The following NLRP7 variants were observed in gnomAD, a reference collection of about 807,000 sequenced individuals.
The protein encoded by NLRP7 is NACHT, LRR and PYD domains-containing protein 7.
NLRP7 carries 72 observed loss-of-function variants against 85.5 expected under a neutral mutation model. That is an observed-to-expected ratio of 0.84 (90% confidence interval 0.70 to 1.02). The LOEUF (loss-of-function observed/expected upper bound fraction) is 1.02, where lower values mean the gene tolerates loss of function less well. Among genes scored for constraint, NLRP7 ranks in the 50% least tolerant of loss-of-function variants. The pLI is 0.00. For missense variants in NLRP7, 1,243 were observed against 1,219.5 expected (o/e 1.02, Z -0.29); for synonymous variants, 550 against 505.2 (o/e 1.09, Z -1.19).
Position 54,939,315 on chromosome 19 carries a change from T to A in NLRP7, c.1504A>T (p.Lys502Ter). 6.2e-7 allele frequency: 1 copy of A among 1,614,124 alleles called. No homozygotes were observed. Among genetic ancestry groups the A allele is most frequent in the East Asian group, 2.2e-5 (1 of 44,886 alleles). ...AGTCTTTCTTCTCCGGAAAGCAGCT[T>A]CTGTACGTCCCCGATGTCCCAGGCG... The change falls in exon 4 of 10, where the codon AAG becomes TAG. Residue 502 changes from lysine to a stop codon, truncating the protein, a stop_gained. Coordinates refer to ENST00000340844, the Ensembl canonical transcript of NLRP7. LOFTEE classifies it high-confidence loss of function.
chr19:54,938,634 G>T (rs1053305560), intron 4 of NLRP7, among the ~76,000 whole-genome samples: 12 of 152,312 alleles, frequency 7.9e-5, no homozygotes, highest in African/African-American at 2.9e-4. Flanking sequence ...GCTGAGGCAG[G>T]AGAATCACTT....
At chr19:54,930,700 T>A in intron 8 of NLRP7, 34 bp from the exon 9 acceptor site, 5 of 1,587,900 alleles carry the variant, frequency 3.1e-6, no homozygotes, top group South Asian at 1.1e-5. Flanking sequence ...AAGCCTGTTA[T>A]CCCTCTGGCT....
At chr19:54,939,124 C>G in exon 4 of NLRP7, 3 of 1,614,236 alleles carry the variant, frequency 1.9e-6, no homozygotes, top group Non-Finnish European at 2.5e-6. Flanking sequence ...TCAGGTCGGT[C>G]ACGGATAAGG....
intron 8 of NLRP7, among the ~76,000 whole-genome samples, chr19:54,931,340 C>A (rs1406094216): frequency 6.6e-6 from 1 of 151,870 alleles, no homozygotes; most frequent in African/African-American, 2.4e-5. Context: ...GGGTGAATCA[C>A]AAGATCAGGA....
intron 9 of NLRP7, 95 bp from the exon 10 acceptor site, chr19:54,927,870 T>G: frequency 9.4e-7 from 1 of 1,059,018 alleles, no homozygotes; most frequent in Non-Finnish European, 1.5e-6. Context: ...GGCGGGTGGA[T>G]CACTTGAGGC....
chr19:54,964,968 G>T lies in NLRP7; in HGVS notation c.-77+1072C>A, dbSNP rs2070291106. On this transcript the variant is annotated intron_variant, in intron 1 of 2. Coordinates refer to the NLRP7 transcript ENST00000587103. ...AATATACCTGGGGTGATGGGAGAAG[G>T]TAGCCAATCACAGCTGAGGCTTCTA... The T allele has an allele frequency of 1.9e-5, 2 of 104,038 alleles. 1 individual carries two copies. Among genetic ancestry groups the T allele is most frequent in the Admixed American group, 1.8e-4 (2 of 11,080 alleles). The allele number at this position is 104,038 out of a possible 1,614,324, so 6.4% of individuals were successfully genotyped here.
At chr19:54,944,067 A>T (rs1467656446) in intron 1 of NLRP7, among the ~76,000 whole-genome samples, 1 of 152,124 alleles carries the variant, frequency 6.6e-6, no homozygotes, top group African/African-American at 2.4e-5. Context: ...GTATTGTCCA[A>T]AGTTTCTCCC....
rs745659650 is a variant in NLRP7, at chr19:54,939,637, G to C, written c.1182C>G (p.Phe394Leu). 2.5e-6 allele frequency: 4 copies of C among 1,611,048 alleles called. No individual in the cohort carries two copies. The African/African-American group carries it at 4.0e-5, about 16-fold the overall frequency. Residue 394 changes from phenylalanine (F) to leucine (L), a missense_variant, in exon 4 of 10, where the codon TTC (phenylalanine) becomes TTG (leucine). Around this residue, in one of 3 missense-constraint regions of NLRP7, gnomAD observed 591 missense variants for 563.3 expected, o/e 1.05. Coordinates refer to ENST00000340844, the Ensembl canonical transcript of NLRP7. ...GGAACCGGCTGCAGAGGAAACGCAG[G>C]AACAGCCCCGTGCGGGTGAGGCAGG...
At chr19:54,946,022 A>C (rs1445177375) in intron 1 of NLRP7, among the ~76,000 whole-genome samples, 1 of 150,800 alleles carries the variant, frequency 6.6e-6, no homozygotes, top group African/African-American at 2.4e-5. Context: ...CGATCTTCTG[A>C]CCTCGTGATC....
intron 6 of NLRP7, among the ~76,000 whole-genome samples, chr19:54,935,809 G>T (rs925454081): frequency 6.6e-6 from 1 of 151,878 alleles, no homozygotes; most frequent in South Asian, 2.1e-4. Flanking sequence ...GGCTCCCAAA[G>T]TGCGAGGATC....
intron 1 of NLRP7, among the ~76,000 whole-genome samples, chr19:54,953,834 A>G (rs1248644740): frequency 6.8e-6 from 1 of 148,074 alleles, no homozygotes; most frequent in Non-Finnish European, 1.5e-5. Context: ...AACCATCTCT[A>G]CTAAAAAAAA....
chr19:54,939,985 C>T (rs776345667), exon 4 of NLRP7: 9 of 1,614,168 alleles, frequency 5.6e-6, no homozygotes, highest in African/African-American at 2.7e-5. Context: ...GGACGGGCAC[C>T]GGCTTCTTCT....
chr19:54,964,462 T>C (rs868863359), intron 1 of NLRP7, among the ~76,000 whole-genome samples: 2,242 of 148,604 alleles, frequency 0.015, no homozygotes, highest in African/African-American at 0.052. Flanking sequence ...GTGATCCACC[T>C]GCCTCGGCCT....
intron 1 of NLRP7, among the ~76,000 whole-genome samples, chr19:54,954,989 T>A (rs1027841782): frequency 6.6e-6 from 1 of 152,042 alleles, no homozygotes; most frequent in African/African-American, 2.4e-5. Context: ...TGGTATGAGA[T>A]TCAAGAACCC....
chr19:54,923,927 G>A, intron 9 of NLRP7, 55 bp from the exon 11 acceptor site: 1 of 1,584,898 alleles, frequency 6.3e-7, no homozygotes, highest in South Asian at 1.1e-5. Flanking sequence ...AACTACCCAG[G>A]ATGCCTGAAT....
At chr19:54,925,943 T>C (rs1015863930) in intron 9 of NLRP7, among the ~76,000 whole-genome samples, 4 of 150,854 alleles carry the variant, frequency 2.7e-5, no homozygotes, top group African/African-American at 4.9e-5. Context: ...GAGCTTGCAG[T>C]GAGCCGAGAT....
chr19:54,940,804 G>T (rs1485834574), intron 3 of NLRP7, 127 bp downstream of exon 3: 3 of 759,222 alleles, frequency 4.0e-6, no homozygotes, highest in Non-Finnish European at 7.0e-6. Flanking sequence ...TCCAGCCTGG[G>T]CTACAGAGCA....
exon 4 of NLRP7, chr19:54,939,859 C>G: frequency 6.2e-7 from 1 of 1,613,892 alleles, no homozygotes; most frequent in South Asian, 1.1e-5. Flanking sequence ...AGCCCTCCAC[C>G]CTTACGTAGA....
At position 54,934,749 on chromosome 19, in the gene NLRP7, GC is replaced by G; in HGVS notation, c.2301-91del. On this transcript the variant is annotated intron_variant, in intron 6 of 9. Coordinates refer to ENST00000340844, the Ensembl canonical transcript of NLRP7. The surrounding 1 kb of genome is among the most constrained non-coding windows in gnomAD (Gnocchi z 6.7). Reference sequence around the variant, plus strand: ...TTTTGAGACAGAGTTTCACTCTGTTGCCCAGTCTGGAATGCAAAGGCGTGAT... The same window carrying G: ...TTTTGAGACAGAGTTTCACTCTGTTGCCAGTCTGGAATGCAAAGGCGTGAT... 1 of 1,101,316 alleles carries G rather than the reference GC, an allele frequency of 9.1e-7. No individual in the cohort carries two copies. Among genetic ancestry groups the G allele is most frequent in the Non-Finnish European group, 1.3e-6 (1 of 775,148 alleles). 68.2% of individuals were successfully genotyped at this position (1,101,316 alleles called of 1,614,324 possible).
Sources: gnomAD v4.1 joint callset for allele counts (sites outside exome capture counted in the v4.1 genomes callset) on GRCh38, gnomAD v4.1.1 for gene constraint, gnomAD v4.1.1 regional missense constraint, Gnocchi (gnomAD v3.1) non-coding constraint, MANE v1.5 for transcripts, NCBI Gene and HGNC (gene_info 2026-07-23, HGNC 2026-07-21) for gene names.